NAT2: variants seen among roughly 807,000 people sequenced by gnomAD.
NAT2 encodes arylamine N-acetyltransferase 2.
For synonymous variants in NAT2, 137 were observed against 125.9 expected (o/e 1.09, Z -0.59); for missense variants, 428 against 339.1 (o/e 1.26, Z -2.06).
rs1323316428 is a variant in NAT2 at position 18,400,407 on chromosome 8, T to C, written c.404T>C (p.Leu135Pro). Residue 135 changes from leucine to proline, a missense_variant, in exon 2 of 2, where the codon CTA (leucine) becomes CCA (proline). Leu to Pro is a moderately conservative substitution (Grantham distance 98, BLOSUM62 -3). Transcript: ENST00000286479. The part of the protein sequence containing the change: ...SGSSSQMWQP[L>P]ELISGKDQPQ... Reference sequence around the variant, plus strand: ...AGCTCCTCCCAGATGTGGCAGCCTCTAGAATTAATTTCTGGGAAGGATCAG... The same window carrying C: ...AGCTCCTCCCAGATGTGGCAGCCTCCAGAATTAATTTCTGGGAAGGATCAG... 6.2e-7 allele frequency: 1 copy of C among 1,612,026 alleles called. No homozygotes were observed. Among genetic ancestry groups the C allele is most frequent in the Non-Finnish European group, 8.5e-7 (1 of 1,179,352 alleles).
upstream of NAT2, among the ~76,000 whole-genome samples, chr8:18,389,779 C>A (rs539133039): frequency 7.0e-4 from 106 of 152,254 alleles, no homozygotes; most frequent in African/African-American, 2.5e-3. Context: ...TTTATAATAA[C>A]CAGGAGTAGG....
At chr8:18,388,640 A>C (rs1800544628), upstream of NAT2, among the ~76,000 whole-genome samples, 1 of 152,182 alleles carries the variant, frequency 6.6e-6, no homozygotes, top group African/African-American at 2.4e-5. Flanking sequence ...CAATTATCAA[A>C]CTTTAGAATC....
chr8:18,397,325 C>G (rs1176976101), intron 1 of NAT2, among the ~76,000 whole-genome samples: 1 of 151,236 alleles, frequency 6.6e-6, no homozygotes, highest in Admixed American at 6.6e-5. Context: ...TAAAAAGGAA[C>G]CAGTAAATAG....
In NAT2 at chr8:18,400,806, G is replaced by A. The variant is rs1208; in HGVS notation, c.803G>A (p.Arg268Lys). 953,799 of 1,610,782 alleles carry A rather than the reference G, an allele frequency of 0.59. 286,455 individuals carry two copies. The highest frequency in any genetic ancestry group is 0.96 in the East Asian group (43,202 of 44,810). The change falls in exon 2 of 2, where the codon AGA (arginine) becomes AAA (lysine). Residue 268 changes from arginine (R) to lysine (K), a missense_variant. Arg to Lys is a conservative substitution (Grantham distance 26). Transcript: ENST00000286479. ...LTEEEVEEVL[R>K]NIFKISLGRN... The stretch of plus-strand genomic sequence containing the variant: ...GAGGAAGAGGTTGAAGAAGTGCTGA[G>A]AAATATATTTAAGATTTCCTTGGGG...
chr8:18,392,185 C>A (rs1203403351), intron 1 of NAT2, among the ~76,000 whole-genome samples: 2 of 152,156 alleles, frequency 1.3e-5, no homozygotes, highest in African/African-American at 4.8e-5. Flanking sequence ...TATACATGGT[C>A]TATTAGCCAG....
upstream of NAT2, among the ~76,000 whole-genome samples, chr8:18,388,426 G>A (rs1230436819): frequency 6.8e-6 from 1 of 147,160 alleles, no homozygotes; most frequent in East Asian, 2.1e-4. Flanking sequence ...TTGATGAGAA[G>A]ATGGGAGGGA....
At chr8:18,397,445 G>C (rs992117672) in intron 1 of NAT2, among the ~76,000 whole-genome samples, 30 of 152,130 alleles carry the variant, frequency 2.0e-4, no homozygotes, top group African/African-American at 7.2e-4. Flanking sequence ...ATTTTTTTCT[G>C]AAGTAAGATG....
At chr8:18,390,507 G>A (rs1379601113), upstream of NAT2, among the ~76,000 whole-genome samples, 1 of 152,074 alleles carries the variant, frequency 6.6e-6, no homozygotes, top group East Asian at 1.9e-4. Flanking sequence ...TTTACACAAT[G>A]TCTGCATGTA....
intron 1 of NAT2, among the ~76,000 whole-genome samples, chr8:18,392,196 G>C (rs1263506375): frequency 1.3e-5 from 2 of 152,168 alleles, no homozygotes; most frequent in African/African-American, 2.4e-5. Context: ...TATTAGCCAG[G>C]ACCCTTTAGA....
intron 1 of NAT2, among the ~76,000 whole-genome samples, chr8:18,395,942 C>T (rs1266469231): frequency 7.0e-6 from 1 of 142,148 alleles, no homozygotes; most frequent in Non-Finnish European, 1.5e-5. Flanking sequence ...TCTCTCTTCC[C>T]CAACCCATCT....
intron 1 of NAT2, among the ~76,000 whole-genome samples, chr8:18,399,568 A>T (rs911692418): frequency 2.0e-5 from 3 of 152,220 alleles, no homozygotes; most frequent in Non-Finnish European, 4.4e-5. Flanking sequence ...GCTAAATGGG[A>T]AATCAAGTGG....
chr8:18,392,619 G>A (rs1479340728), intron 1 of NAT2, among the ~76,000 whole-genome samples: 1 of 152,100 alleles, frequency 6.6e-6, no homozygotes, highest in African/African-American at 2.4e-5. Flanking sequence ...ATTTCCTTTG[G>A]CAACACCCTC....
chr8:18,399,247 A>G (rs1800747179), intron 1 of NAT2, among the ~76,000 whole-genome samples: 1 of 152,166 alleles, frequency 6.6e-6, no homozygotes, highest in Non-Finnish European at 1.5e-5. Context: ...TAGCATCCTT[A>G]AAGTCTTAGT....
At chr8:18,388,339 C>G (rs990111196), upstream of NAT2, among the ~76,000 whole-genome samples, 2 of 152,050 alleles carry the variant, frequency 1.3e-5, no homozygotes, top group African/African-American at 4.8e-5. Context: ...TGTCTCTTTT[C>G]AGGACAGCAC....
chr8:18,395,732 G>A (rs749776463), intron 1 of NAT2, among the ~76,000 whole-genome samples: 3 of 152,028 alleles, frequency 2.0e-5, no homozygotes, highest in Non-Finnish European at 2.9e-5. Context: ...TTTGGGTTAC[G>A]GGTATTTAGA....
At chr8:18,398,101 G>C (rs1344562101) in intron 1 of NAT2, among the ~76,000 whole-genome samples, 1 of 152,130 alleles carries the variant, frequency 6.6e-6, no homozygotes. Flanking sequence ...GTGTATGCTG[G>C]AGTCTTCAGA....
At position 18,400,666 on chromosome 8, in the gene NAT2, A is replaced by G; in HGVS notation, c.663A>G (p.Ser221=). The G allele has an allele frequency of 1.2e-6, 2 of 1,613,952 alleles. No homozygotes were observed. The highest frequency in any genetic ancestry group is 1.7e-6 in the Non-Finnish European group (2 of 1,179,968). The change falls in exon 2 of 2, where the codon TCA becomes TCG. Residue 221 remains serine, a synonymous_variant. Coordinates refer to ENST00000286479, the MANE Select transcript of NAT2 (RefSeq NM_000015.3). ...CAACATCTTCATTTATAACCACATC[A>G]TTTTGTTCCTTGCAGACCCCAGAAG... The part of the protein sequence containing the change: ...TSPTSSFITT[S]FCSLQTPEGV...
At chr8:18,391,913 C>G (rs942457355) in intron 1 of NAT2, among the ~76,000 whole-genome samples, 3 of 152,174 alleles carry the variant, frequency 2.0e-5, no homozygotes, top group African/African-American at 7.2e-5. Flanking sequence ...CCCATAAGCC[C>G]TTTTAACTCA....
rs1414303107 is a variant in NAT2 at position 18,391,350 on chromosome 8, G to A, written c.-7+5G>A. The A allele has an allele frequency of 6.6e-6, 1 of 152,102 alleles. No homozygotes were observed. The highest frequency in any genetic ancestry group is 2.4e-5 in the African/African-American group (1 of 41,426). 9.4% of individuals were successfully genotyped at this position (152,102 alleles called of 1,614,324 possible). On this transcript the variant is annotated splice_donor_5th_base_variant and intron_variant, in intron 1 of 1. Transcript: ENST00000286479. ...AGTTCCTGGTTGCTGGCCAAAGTAA[G>A]TAGAACTTTGTAAGTAATTTGCAGT... is the stretch of plus-strand genomic sequence containing the variant.
Sources: allele counts gnomAD v4.1 joint callset (sites outside exome capture counted in the v4.1 genomes callset), GRCh38; gene constraint gnomAD v4.1.1; transcripts MANE v1.5; gene names NCBI Gene and HGNC (gene_info 2026-07-23, HGNC 2026-07-21).